HOOK3: variants seen among roughly 807,000 people sequenced by gnomAD.
HOOK3 encodes protein Hook homolog 3.
Under a neutral mutation model 116.3 loss-of-function variants are expected in HOOK3, and 24 were observed. The observed-to-expected ratio is 0.21, with a 90% confidence interval of 0.15 to 0.29. The LOEUF (loss-of-function observed/expected upper bound fraction) is 0.29, where lower values mean the gene tolerates loss of function less well. Ranked by LOEUF, HOOK3 falls within the 10% of genes least tolerant of loss-of-function variation. The pLI, the probability that HOOK3 is intolerant of heterozygous loss-of-function variation, is 1.00. For synonymous variants in HOOK3, 275 were observed against 283.0 expected, an observed-to-expected ratio of 0.97 and a Z score of 0.28; for missense variants, 632 against 830.2, an observed-to-expected ratio of 0.76 and a Z score of 2.93.
intron 15 of HOOK3, among the ~76,000 whole-genome samples, chr8:42,993,653 A>G: frequency 6.6e-6 from 1 of 152,032 alleles, no homozygotes; most frequent in African/African-American, 2.4e-5. Flanking sequence ...TTATTGGTAG[A>G]CTTTTTATTA....
chr8:42,990,193 C>T (rs1043836647), intron 15 of HOOK3, among the ~76,000 whole-genome samples: 4 of 151,754 alleles, frequency 2.6e-5, no homozygotes, highest in African/African-American at 9.7e-5. Flanking sequence ...ACAGGGTCTC[C>T]CTATGTTGCC....
At chr8:42,995,814 A>G (rs1809253397) in intron 15 of HOOK3, among the ~76,000 whole-genome samples, 1 of 152,150 alleles carries the variant, frequency 6.6e-6, no homozygotes, top group Non-Finnish European at 1.5e-5. Context: ...TTTTCTCAAG[A>G]TAGTTCGTCT....
chr8:43,029,236 G>A lies in HOOK3; in HGVS notation c.*10738G>A, dbSNP rs182437482. On this transcript the variant is annotated 3_prime_UTR_variant, in exon 22 of 22. Transcript: ENST00000307602. ...ACGATCTCGCCTCACTGCAACCTCC[G>A]CCTCCCAGGTTCAAGCTATTCTCCT... The A allele has an allele frequency of 3.4e-3, 569 of 167,040 alleles. 2 individuals are homozygous for A. The highest frequency in any genetic ancestry group is 7.7e-3 in the South Asian group (38 of 4,954). The allele number at this position is 167,040 out of a possible 1,614,324, so 10.3% of individuals were successfully genotyped here.
chr8:42,929,435 C>A (rs1807831745), intron 3 of HOOK3, among the ~76,000 whole-genome samples: 1 of 152,124 alleles, frequency 6.6e-6, no homozygotes. Flanking sequence ...CCAGGGACAG[C>A]TAGATCAATA....
At position 43,019,849 on chromosome 8, in the gene HOOK3, A is replaced by C. The variant is rs1368939119; in HGVS notation, c.*1351A>C. The C allele has an allele frequency of 9.8e-6, 2 of 204,194 alleles. No individual in the cohort carries two copies. Among genetic ancestry groups the C allele is most frequent in the Non-Finnish European group, 2.0e-5 (2 of 99,864 alleles). 12.6% of individuals were successfully genotyped at this position (204,194 alleles called of 1,614,324 possible). ...TCTTGCAACGTAGCCCATTTTTTGA[A>C]AGCAAAACATTTCTGAAATTAGGTC... is the stretch of plus-strand genomic sequence containing the variant. On this transcript the variant is annotated 3_prime_UTR_variant, in exon 22 of 22. Transcript: ENST00000307602.
intron 8 of HOOK3, among the ~76,000 whole-genome samples, chr8:42,962,796 CTTTTTTTTT>C (rs34722373): frequency 4.0e-5 from 4 of 99,346 alleles, no homozygotes; most frequent in South Asian, 3.6e-4. Context: ...ACTTCTTCTT[CTTTTTTTTT>C]TTTTTTTTTT....
At chr8:42,922,603 A>G (rs777752415) in intron 2 of HOOK3, among the ~76,000 whole-genome samples, 19 of 151,934 alleles carry the variant, frequency 1.3e-4, no homozygotes, top group Non-Finnish European at 2.1e-4. Context: ...GCCATCAAGA[A>G]AGTGGAAAAA....
At chr8:42,913,420 AG>A (rs1227172569) in intron 2 of HOOK3, among the ~76,000 whole-genome samples, 1 of 152,156 alleles carries the variant, frequency 6.6e-6, no homozygotes, top group East Asian at 1.9e-4. Context: ...TCTTTCATGT[AG>A]TATAATTTTG....
intron 2 of HOOK3, among the ~76,000 whole-genome samples, chr8:42,910,163 T>G (rs987315020): frequency 6.6e-6 from 1 of 152,242 alleles, no homozygotes; most frequent in African/African-American, 2.4e-5. Flanking sequence ...TACGATATCA[T>G]AACATCAGTT....
chr8:42,922,145 T>C (rs934941938), intron 2 of HOOK3, among the ~76,000 whole-genome samples: 5 of 152,178 alleles, frequency 3.3e-5, no homozygotes, highest in Non-Finnish European at 7.3e-5. Context: ...TGTAAAACTT[T>C]TAAAAGAAAA....
At chr8:42,906,391 T>A in intron 2 of HOOK3, 133 bp downstream of exon 2, 1 of 647,806 alleles carries the variant, frequency 1.5e-6, no homozygotes, top group Non-Finnish European at 2.8e-6. Flanking sequence ...GCACTAGTTT[T>A]AATGGAATGT....
In HOOK3 at chr8:43,028,786, A is replaced by G. The variant is rs906272199; in HGVS notation, c.*10288A>G. On this transcript the variant is annotated 3_prime_UTR_variant, in exon 22 of 22. Transcript: ENST00000307602. ...TTTTAATGGAAATAAGGGACTAACC[A>G]TAATCCTTTTGAGTCAGCTTGGTGC... The G allele has an allele frequency of 5.0e-5, 10 of 198,528 alleles. No individual in the cohort carries two copies. The highest frequency in any genetic ancestry group is 3.9e-4 in the East Asian group (5 of 12,728). The allele number at this position is 198,528 out of a possible 1,614,324, so 12.3% of individuals were successfully genotyped here. A position where few individuals can be genotyped will look rare whatever the true frequency, so the allele number is the denominator to read the frequency against.
intron 1 of HOOK3, among the ~76,000 whole-genome samples, chr8:42,903,270 C>A (rs762810456): frequency 6.6e-6 from 1 of 151,822 alleles, no homozygotes; most frequent in Non-Finnish European, 1.5e-5. Context: ...CCACCATAAC[C>A]GTCTCTACCT....
At chr8:42,952,768 T>G (rs1808365529) in intron 6 of HOOK3, among the ~76,000 whole-genome samples, 1 of 152,184 alleles carries the variant, frequency 6.6e-6, no homozygotes, top group Non-Finnish European at 1.5e-5. Context: ...TTTAAAAATG[T>G]TATCCCCTTT....
In HOOK3 at chr8:42,919,464, C is replaced by T. The variant is rs538804616; in HGVS notation, c.144-6093C>T. Among the ~76,000 whole-genome samples the T allele has an allele frequency of 3.1e-4, 46 of 149,370 alleles. No individual in the cohort carries two copies. In the East Asian group the frequency reaches 8.3e-3, roughly 27 times the overall value. On this transcript the variant is annotated intron_variant, in intron 2 of 21. Transcript: ENST00000307602. Reference sequence around the variant, plus strand: ...GACGCTCCTCACTTCCCAGACTGGGCGGCCGGGCAGAGGGGCTCCTCACAT... The same window carrying T: ...GACGCTCCTCACTTCCCAGACTGGGTGGCCGGGCAGAGGGGCTCCTCACAT...
At chr8:43,001,102 T>C (rs1809371808) in intron 16 of HOOK3, 1 of 151,218 alleles carries the variant, frequency 6.6e-6, no homozygotes. Flanking sequence ...ATCCTGTCTC[T>C]ATTTTTTTTT....
chr8:42,996,666 T>G (rs1051237610), intron 15 of HOOK3, among the ~76,000 whole-genome samples: 13 of 152,142 alleles, frequency 8.5e-5, no homozygotes, highest in Non-Finnish European at 1.5e-4. Context: ...TTGGACATAC[T>G]GACCTCTGTC....
chr8:42,986,871 A>T (rs554260975), intron 15 of HOOK3, 76 bp downstream of exon 15: 2 of 1,476,944 alleles, frequency 1.4e-6, no homozygotes, highest in African/African-American at 2.8e-5. Context: ...TTAAACAAAG[A>T]ACTGGCAGGG....
chr8:43,017,954 C>T (rs1001833043), intron 21 of HOOK3, among the ~76,000 whole-genome samples: 3 of 152,292 alleles, frequency 2.0e-5, no homozygotes, highest in African/African-American at 7.2e-5. Context: ...TCTTAAGAAA[C>T]AACACAAGCA....
Sources: gnomAD v4.1 joint callset for allele counts (sites outside exome capture counted in the v4.1 genomes callset) on GRCh38, gnomAD v4.1.1 for gene constraint, MANE v1.5 for transcripts, NCBI Gene and HGNC (gene_info 2026-07-23, HGNC 2026-07-21) for gene names.